The following RASA3 variants were observed in gnomAD, a reference collection of about 807,000 sequenced individuals.
RASA3 encodes ras GTPase-activating protein 3.
RASA3 carries 73 observed loss-of-function variants against 110.0 expected under a neutral mutation model. That is an observed-to-expected ratio of 0.66 (90% CI 0.55 to 0.81). RASA3 has a LOEUF of 0.81. RASA3 is among the 30% of genes least tolerant of loss of function. RASA3 has a pLI of 0.00. For synonymous variants in RASA3, 500 were observed against 451.4 expected (o/e 1.11, Z -1.37); for missense variants, 976 against 1,113.2 (o/e 0.88, Z 1.75).
At position 114,073,826 on chromosome 13, in the gene RASA3, T is replaced by C; in HGVS notation, c.67A>G (p.Asn23Asp). ...CTCGGCCCCGGGTAAGAGGGAAGGT[T>C]TTTGGCTTCACCTAAAAAGTAAAAG... ...SVKIKIGEAK[N>D]LPSYPGPSKM... Residue 23 changes from asparagine to aspartate, a missense_variant, in exon 2 of 24, where the codon AAC (asparagine) becomes GAC (aspartate). Asn to Asp is a conservative substitution (Grantham distance 23). Transcript: ENST00000334062. The C allele has an allele frequency of 6.2e-7, 1 of 1,614,108 alleles. No homozygotes were observed. Among genetic ancestry groups the C allele is most frequent in the South Asian group, 1.1e-5 (1 of 91,084 alleles).
intron 1 of RASA3, among the ~76,000 whole-genome samples, chr13:114,123,854 CT>C (rs2080411894): frequency 3.3e-5 from 5 of 152,244 alleles, no homozygotes; most frequent in Admixed American, 2.6e-4. Context: ...ACTCAGACCT[CT>C]TACCAACCTC....
chr13:114,012,724 C>T (rs2053665746), intron 15 of RASA3, among the ~76,000 whole-genome samples: 2 of 142,936 alleles, frequency 1.4e-5, no homozygotes, highest in Admixed American at 1.4e-4. Context: ...CTCCCCATTC[C>T]ACACACACTC....
intron 4 of RASA3, among the ~76,000 whole-genome samples, chr13:114,030,520 AGCAAGACTCACACAGAGG>A (rs1566502054): frequency 1.3e-4 from 13 of 97,800 alleles, no homozygotes; most frequent in African/African-American, 5.4e-4. Flanking sequence ...TCACACAGAG[AGCAAGACTCACACAGAGG>A]GCAAGACTCA....
chr13:114,122,879 G>A (rs1003757790), intron 1 of RASA3, among the ~76,000 whole-genome samples: 3 of 152,226 alleles, frequency 2.0e-5, no homozygotes, highest in Non-Finnish European at 4.4e-5. Context: ...CCACAGTGCT[G>A]AGCAGGCCCA....
intron 13 of RASA3, 93 bp downstream of exon 13, chr13:114,016,104 G>C: frequency 8.7e-7 from 1 of 1,146,132 alleles, no homozygotes. Flanking sequence ...ACCCCAACCG[G>C]GGTCACGGGG....
intron 7 of RASA3, among the ~76,000 whole-genome samples, chr13:114,027,024 A>G (rs952144415): frequency 6.6e-6 from 1 of 152,246 alleles, no homozygotes; most frequent in African/African-American, 2.4e-5. Context: ...AGCCAAAAAA[A>G]CAAAAACCCC....
rs1205695116 is a variant in RASA3, at chr13:114,098,062, T to C, written c.56-24225A>G. Among the ~76,000 whole-genome samples, 3 of 152,232 alleles carry C rather than the reference T, an allele frequency of 2.0e-5. No homozygotes were observed. In the South Asian group the frequency reaches 6.2e-4, roughly 32 times the overall value. On this transcript the variant is annotated intron_variant, in intron 1 of 23. Transcript: ENST00000334062. ...GCACGCCGAGGGGCTACAGCCCCCA[T>C]CCAGGCCCAGGCCGGCTGCCAGCAC... is the stretch of plus-strand genomic sequence containing the variant.
intron 2 of RASA3, among the ~76,000 whole-genome samples, chr13:114,062,687 G>A (rs1025369358): frequency 2.7e-5 from 4 of 147,244 alleles, no homozygotes; most frequent in Middle Eastern, 7.5e-3. Flanking sequence ...ATGCAGACTC[G>A]GACACGCGTG....
intron 1 of RASA3, among the ~76,000 whole-genome samples, chr13:114,121,240 C>G (rs1359288011): frequency 6.6e-6 from 1 of 152,234 alleles, no homozygotes; most frequent in African/African-American, 2.4e-5. Flanking sequence ...CATTCGGACC[C>G]CCGTGCCCCA....
chr13:114,027,745 A>ACCT, intron 6 of RASA3, 102 bp downstream of exon 6: 1 of 1,227,410 alleles, frequency 8.1e-7, no homozygotes, highest in South Asian at 1.2e-5. Flanking sequence ...TCAAAGCGCA[A>ACCT]CCTCCTGACT....
intron 1 of RASA3, among the ~76,000 whole-genome samples, chr13:114,075,462 C>T (rs2079653959): frequency 2.3e-5 from 2 of 85,226 alleles, no homozygotes; most frequent in African/African-American, 8.5e-5. Flanking sequence ...GTGTCCGCGC[C>T]GCGTATCTCT....
At position 114,057,518 on chromosome 13, in the gene RASA3, T is replaced by C; in HGVS notation, c.174-5363A>G. ...TTCGTTCAGCTTCTTAGACCGATGA[T>C]TTATTTAGGGAATAAGAAGGGCGAT... On this transcript the variant is annotated intron_variant, in intron 2 of 23. Transcript: ENST00000334062. This position sits in a 1 kb window ranked among gnomAD's most constrained non-coding sequence, Gnocchi z 5.0. 1.0e-6 allele frequency: 1 copy of C among 985,260 alleles called. No homozygotes were observed. The highest frequency in any genetic ancestry group is 1.2e-6 in the Non-Finnish European group (1 of 829,800). 61.0% of individuals were successfully genotyped at this position (985,260 alleles called of 1,614,324 possible).
intron 4 of RASA3, among the ~76,000 whole-genome samples, chr13:114,030,460 A>G (rs536133282): frequency 0.025 from 2,422 of 97,754 alleles, 108 homozygotes; most frequent in African/African-American, 0.093. Flanking sequence ...CAAGGCTCAC[A>G]CAGAGGGCAA....
chr13:114,127,104 G>A (rs1047348762), intron 1 of RASA3, among the ~76,000 whole-genome samples: 15 of 152,286 alleles, frequency 9.8e-5, no homozygotes, highest in East Asian at 1.9e-4. Context: ...AACATGACGC[G>A]CCACCTGCAA....
intron 1 of RASA3, among the ~76,000 whole-genome samples, chr13:114,117,057 GGT>G (rs2080290936): frequency 7.0e-6 from 1 of 141,928 alleles, no homozygotes; most frequent in Non-Finnish European, 1.5e-5. Context: ...GTGTGTGAGG[GGT>G]GCATGTGTGT....
At chr13:114,074,365 G>A (rs894325036) in intron 1 of RASA3, among the ~76,000 whole-genome samples, 3 of 152,138 alleles carry the variant, frequency 2.0e-5, no homozygotes, top group Non-Finnish European at 2.9e-5. Context: ...ACGTCGGCGG[G>A]ATCCACAGGA....
chr13:114,046,754 A>G (rs2139519058), intron 3 of RASA3, among the ~76,000 whole-genome samples: 1 of 152,262 alleles, frequency 6.6e-6, no homozygotes, highest in East Asian at 1.9e-4. Flanking sequence ...CTCAGATGGA[A>G]GAGAATACAG....
rs946027924 is a variant in RASA3 at position 113,999,657 on chromosome 13, A to C, written c.1860T>G (p.Pro620=). The change falls in exon 20 of 24, where the codon CCT becomes CCG. Residue 620 remains proline (P), a synonymous_variant. Transcript: ENST00000334062. ...FTYHKSKGDQ[P]LYSIPIENIL... Reference sequence around the variant, plus strand: ...TGTTCTCGATGGGAATGCTGTAGAGAGGCTGGTCCCCTGCAGCAGAGATGG... The same window carrying C: ...TGTTCTCGATGGGAATGCTGTAGAGCGGCTGGTCCCCTGCAGCAGAGATGG... The C allele has an allele frequency of 6.2e-7, 1 of 1,612,206 alleles. No homozygotes were observed. The highest frequency in any genetic ancestry group is 8.5e-7 in the Non-Finnish European group (1 of 1,179,444).
Position 114,120,568 on chromosome 13 carries a change from G to GC in RASA3, c.55+11866dup, listed in dbSNP as rs1198064913. On this transcript the variant is annotated intron_variant, in intron 1 of 23. Coordinates refer to ENST00000334062, the MANE Select transcript of RASA3 (RefSeq NM_007368.4). The stretch of plus-strand genomic sequence containing the variant: ...TCTCTCCAGCCAGGCGTCGATCAGG[G>GC]CCCTCCCTCCTCTCTCCAGCCAGAC... Among the ~76,000 whole-genome samples the GC allele has an allele frequency of 8.4e-5, 9 of 107,308 alleles. 1 individual carries two copies. The highest frequency in any genetic ancestry group is 1.7e-4 in the Non-Finnish European group (8 of 47,752). 70.4% of individuals were successfully genotyped at this position (107,308 alleles called of 152,430 possible).
Sources: gnomAD v4.1 joint callset for allele counts (sites outside exome capture counted in the v4.1 genomes callset) on GRCh38, gnomAD v4.1.1 for gene constraint, Gnocchi (gnomAD v3.1) non-coding constraint, MANE v1.5 for transcripts, NCBI Gene and HGNC (gene_info 2026-07-23, HGNC 2026-07-21) for gene names.